The following PLXNB3 variants were observed in gnomAD, a reference collection of about 807,000 sequenced individuals.
The protein encoded by PLXNB3 is plexin B3.
In PLXNB3, 80 loss-of-function variants were observed where a neutral mutation model predicts 125.7. The ratio of observed to expected loss-of-function variants is 0.64; its 90% CI spans 0.53 to 0.77. The LOEUF (loss-of-function observed/expected upper bound fraction) is 0.77, where lower values mean the gene tolerates loss of function less well. Ranked by LOEUF, PLXNB3 falls within the 30% of genes least tolerant of loss-of-function variation. The pLI is 0.00. For missense variants in PLXNB3, 1,836 were observed against 1,729.3 expected (o/e 1.06, Z -1.09); for synonymous variants, 954 against 783.3 (o/e 1.22, Z -3.64).
chrX:153,766,440 T>TCCGCCAGCCTTCCAGCTC, intron 2 of PLXNB3: 2 of 1,075,094 alleles, frequency 1.9e-6, no homozygotes, highest in Non-Finnish European at 2.4e-6. Flanking sequence ...TGACACAGCT[T>TCCGCCAGCCTTCCAGCTC]CCGCCAGCCT....
chrX:153,769,745 G>A (rs1207245654), intron 6 of PLXNB3, 62 bp from the exon 7 acceptor site: 2 of 1,129,303 alleles, frequency 1.8e-6, no homozygotes, highest in Admixed American at 2.7e-5. Context: ...CCAGGCCCCT[G>A]TTGCCGGTCA....
In PLXNB3 at chrX:153,771,076, C is replaced by T. The variant is rs781968139; in HGVS notation, c.2248C>T (p.His750Tyr). 3.3e-6 allele frequency: 4 copies of T among 1,199,262 alleles called. No individual in the cohort carries two copies. The highest frequency in any genetic ancestry group is 4.5e-6 in the Non-Finnish European group (4 of 886,150). Residue 750 changes from histidine (H) to tyrosine (Y), a missense_variant, in exon 12 of 36, where the codon CAC (histidine) becomes TAC (tyrosine). Coordinates refer to ENST00000361971, the MANE Select transcript of PLXNB3 (RefSeq NM_005393.3). ...TTCAGGCCTCATCCACTGCCAGGCC[C>T]ACCAGGTGAGTGGCTGCCTTCCAAA... ...GDSGLIHCQAHQFYPSMSQRE... is the reference protein window; with the variant it reads ...GDSGLIHCQAYQFYPSMSQRE...
exon 36 of PLXNB3, chrX:153,779,331 TTTTTA>T (rs1424630591): frequency 9.3e-6 from 2 of 215,617 alleles, no homozygotes; most frequent in Non-Finnish European, 1.7e-5. Flanking sequence ...GAAATATGTC[TTTTTA>T]TTTTATTTTG....
chrX:153,776,392 C>A lies in PLXNB3; in HGVS notation c.4766C>A (p.Ser1589Ter), dbSNP rs1557064241. 3 of 1,188,288 alleles carry A rather than the reference C, an allele frequency of 2.5e-6. No homozygotes were observed. In the African/African-American group the frequency reaches 5.7e-5, roughly 23 times the overall value. Residue 1589 changes from serine to a stop codon, truncating the protein, a stop_gained, in exon 28 of 36, where the codon TCG (serine) becomes TAG (stop). Coordinates refer to ENST00000361971, the MANE Select transcript of PLXNB3 (RefSeq NM_005393.3). LOFTEE classifies it high-confidence loss of function. ...RSGLAGHLTLSDEDLTSVTQN... is the reference protein window; with the variant it reads ...RSGLAGHLTL ...GGCCTGGCTGGTCACCTGACCCTAT[C>A]GGACGAAGACTTGACCTCCGTGACC...
At chrX:153,772,051 C>A (rs1466303418) in intron 15 of PLXNB3, 36 bp downstream of exon 15, 19 of 1,164,012 alleles carry the variant, frequency 1.6e-5, no homozygotes, top group Admixed American at 9.7e-5. Flanking sequence ...GGTGGGGAGG[C>A]CCTCAGAGAT....
At position 153,776,387 on chromosome X, in the gene PLXNB3, C is replaced by G. The variant is rs782374521; in HGVS notation, c.4761C>G (p.Thr1587=). The G allele has an allele frequency of 1.7e-6, 2 of 1,189,828 alleles. No individual in the cohort carries two copies. The highest frequency in any genetic ancestry group is 3.8e-5 in the African/African-American group (2 of 52,775). ...EWRSGLAGHL[T]LSDEDLTSVT... Reference sequence around the variant, plus strand: ...GCTCAGGCCTGGCTGGTCACCTGACCCTATCGGACGAAGACTTGACCTCCG... The same window carrying G: ...GCTCAGGCCTGGCTGGTCACCTGACGCTATCGGACGAAGACTTGACCTCCG... The change falls in exon 28 of 36, where the codon ACC becomes ACG. Residue 1587 remains threonine, a synonymous_variant. Transcript: ENST00000361971.
chrX:153,766,442 C>T (rs1201153638), intron 2 of PLXNB3: 8 of 1,075,860 alleles, frequency 7.4e-6, no homozygotes, highest in Non-Finnish European at 9.6e-6. Flanking sequence ...ACACAGCTTC[C>T]GCCAGCCTTC....
Position 153,767,515 on chromosome X carries a change from TACA to T in PLXNB3, c.695_697del (p.Asn232del), listed in dbSNP as rs782456197. ...CCTGGTGGTGGGCGACTTCTCCGAC[TACA>T]ACAACAGCTACGTCGGGGCCTTTGC... On this transcript the variant is annotated inframe_deletion, in exon 3 of 36. Coordinates refer to ENST00000361971, the MANE Select transcript of PLXNB3 (RefSeq NM_005393.3). 1 of 1,182,279 alleles carries T rather than the reference TACA, an allele frequency of 8.5e-7. No individual in the cohort carries two copies. The highest frequency in any genetic ancestry group is 1.1e-6 in the Non-Finnish European group (1 of 880,757).
intron 35 of PLXNB3, 58 bp from the exon 36 acceptor site, chrX:153,778,877 C>T: frequency 9.0e-7 from 1 of 1,112,959 alleles, no homozygotes; most frequent in South Asian, 2.2e-5. Flanking sequence ...GGGTGGGTGG[C>T]CCTGGGCCAG....
intron 2 of PLXNB3, 174 bp from the exon 3 acceptor site, chrX:153,766,699 C>T (rs936176714): frequency 1.4e-6 from 1 of 729,034 alleles, no homozygotes. Flanking sequence ...GTCCCCCTCT[C>T]TCTGTGCCCC....
intron 31 of PLXNB3, 26 bp from the exon 32 acceptor site, chrX:153,777,922 C>T (rs376356363): frequency 3.4e-6 from 4 of 1,188,779 alleles, no homozygotes; most frequent in Non-Finnish European, 4.5e-6. Flanking sequence ...CAGGGCCTCA[C>T]GCCCACGCCT....
In PLXNB3 at chrX:153,773,025, C is replaced by T. The variant is rs782285011; in HGVS notation, c.2906+9C>T. The T allele has an allele frequency of 2.4e-5, 28 of 1,162,081 alleles. No homozygotes were observed. Among genetic ancestry groups the T allele is most frequent in the Admixed American group, 2.7e-5 (1 of 36,433 alleles). Reference sequence around the variant, plus strand: ...GGCCAACCCTGTCCCATGTGAGTCCCGGCCTGGCTGCCGTCGGGTGGTGGG... The same window carrying T: ...GGCCAACCCTGTCCCATGTGAGTCCTGGCCTGGCTGCCGTCGGGTGGTGGG... On this transcript the variant is annotated intron_variant, in intron 17 of 35. Coordinates refer to ENST00000361971, the MANE Select transcript of PLXNB3 (RefSeq NM_005393.3).
At position 153,771,972 on chromosome X, in the gene PLXNB3, C is replaced by G; in HGVS notation, c.2626C>G (p.Arg876Gly). 1 of 1,207,249 alleles carries G rather than the reference C, an allele frequency of 8.3e-7. No individual in the cohort carries two copies. Among genetic ancestry groups the G allele is most frequent in the Non-Finnish European group, 1.1e-6 (1 of 893,705 alleles). ...GCAGTACGCCGTGAGCGTGGCCAGC[C>G]GGCCCTGCAACCCTGAGCCCTCTCT... ...DVQYAVSVAS[R>G]PCNPEPSLYR... is the part of the protein sequence containing the mutation. The change falls in exon 15 of 36, where the codon CGG becomes GGG. Residue 876 changes from arginine (R) to glycine (G), a missense_variant. Coordinates refer to ENST00000361971, the MANE Select transcript of PLXNB3 (RefSeq NM_005393.3).
Position 153,769,838 on chromosome X carries a change from G to A in PLXNB3, c.1528G>A (p.Gly510Ser), listed in dbSNP as rs542027507. 1.0e-4 allele frequency: 123 copies of A among 1,204,192 alleles called. 1 individual carries two copies. The South Asian group carries it at 1.4e-3, about 13-fold the overall frequency. Residue 510 changes from glycine (G) to serine (S), a missense_variant, in exon 7 of 36, where the codon GGC (glycine) becomes AGC (serine). Physicochemically the swap from Gly to Ser is moderately conservative, Grantham distance 56 (BLOSUM62 0). Coordinates refer to ENST00000361971, the MANE Select transcript of PLXNB3 (RefSeq NM_005393.3). Reference sequence around the variant, plus strand: ...CCGGAAGGGCCAGTGCGGGCGGGCAGGCCAGCTGAACCAGTGGCTGTGGAG... The same window carrying A: ...CCGGAAGGGCCAGTGCGGGCGGGCAAGCCAGCTGAACCAGTGGCTGTGGAG... The part of the protein sequence containing the change: ...CTRKGQCGRA[G>S]QLNQWLWSYE...
At position 153,767,242 on chromosome X, in the gene PLXNB3, G is replaced by T; in HGVS notation, c.415G>T (p.Val139Leu). Residue 139 changes from valine to leucine, a missense_variant, in exon 3 of 36, where the codon GTG (valine) becomes TTG (leucine). Val to Leu is a conservative substitution (Grantham distance 32). Transcript: ENST00000361971. ...LVACGQVRQG[V>L]CETRRLGDVA... ...GGCCTGCGGGCAGGTGCGGCAGGGCGTGTGTGAGACACGGCGCCTTGGGGA... is the reference window on the plus strand; with the variant it reads ...GGCCTGCGGGCAGGTGCGGCAGGGCTTGTGTGAGACACGGCGCCTTGGGGA... 8.3e-7 allele frequency: 1 copy of T among 1,205,155 alleles called. No homozygotes were observed. Among genetic ancestry groups the T allele is most frequent in the Non-Finnish European group, 1.1e-6 (1 of 892,548 alleles).
In PLXNB3 at chrX:153,775,369, T is replaced by G. The variant is rs1557063713; in HGVS notation, c.4300T>G (p.Tyr1434Asp). ...CCTGCTGGGTGACCTGGCGGCCCATTACGTGCACAGGAACCCCAAGCTCAT... is the reference window on the plus strand; with the variant it reads ...CCTGCTGGGTGACCTGGCGGCCCATGACGTGCACAGGAACCCCAAGCTCAT... Reference protein sequence around the residue: ...RTLLGDLAAHYVHRNPKLMLR... With the variant: ...RTLLGDLAAHDVHRNPKLMLR... The change falls in exon 25 of 36, where the codon TAC (tyrosine) becomes GAC (aspartate). Residue 1434 changes from tyrosine (Y) to aspartate (D), a missense_variant. Transcript: ENST00000361971. 4 of 1,208,608 alleles carry G rather than the reference T, an allele frequency of 3.3e-6. No individual in the cohort carries two copies. The highest frequency in any genetic ancestry group is 4.6e-4 in the Middle Eastern group (2 of 4,336).
rs2091876063 is a variant in PLXNB3 at position 153,767,841 on chromosome X, C to A, written c.1014C>A (p.Gly338=). ...GGAGACTCTGCTACACGGCGGGCGG[C>A]CGGGGCCCCAGCGGCGCAGAGGAAG... ...QARRLCYTAG[G]RGPSGAEEAT... Residue 338 remains glycine, a synonymous_variant, in exon 3 of 36, where the codon GGC becomes GGA. Coordinates refer to ENST00000361971, the MANE Select transcript of PLXNB3 (RefSeq NM_005393.3). 7.0e-6 allele frequency: 8 copies of A among 1,143,905 alleles called. No individual in the cohort carries two copies. The East Asian group carries it at 2.6e-4, about 38-fold the overall frequency. 94.3% of individuals were successfully genotyped at this position (1,143,905 alleles called of 1,213,427 possible).
chrX:153,773,159 G>T, intron 17 of PLXNB3, 71 bp from the exon 18 acceptor site: 1 of 1,109,344 alleles, frequency 9.0e-7, no homozygotes, highest in Non-Finnish European at 1.2e-6. Flanking sequence ...CTTCTCCTAC[G>T]GGGGTTGGGC....
At position 153,771,653 on chromosome X, in the gene PLXNB3, G is replaced by A; in HGVS notation, c.2515G>A (p.Ala839Thr). 1.7e-6 allele frequency: 2 copies of A among 1,182,889 alleles called. No individual in the cohort carries two copies. The highest frequency in any genetic ancestry group is 2.3e-6 in the Non-Finnish European group (2 of 882,218). Residue 839 changes from alanine (A) to threonine (T), a missense_variant and splice_region_variant, in exon 14 of 36, where the codon GCA becomes ACA. By Grantham distance (58) the Ala-to-Thr change is moderately conservative (BLOSUM62 0). Coordinates refer to ENST00000361971, the MANE Select transcript of PLXNB3 (RefSeq NM_005393.3). The part of the protein sequence containing the change: ...ELLCPAPSID[A>T]VEPLTGPPEG... ...GCTGTGTCCTGCGCCCAGCATTGAT[G>A]CAGTGAGTCTCCTGCCGGGCCCCCA...
Sources: allele counts gnomAD v4.1 joint callset, GRCh38; gene constraint gnomAD v4.1.1; transcripts MANE v1.5; gene names NCBI Gene and HGNC (gene_info 2026-07-23, HGNC 2026-07-21).